Variants in CCDC73 observed in about 807,000 individuals in gnomAD.
CCDC73 encodes coiled-coil domain containing 73, also known as coiled-coil domain-containing protein 73.
CCDC73 carries 95 observed loss-of-function variants against 116.5 expected under a neutral mutation model. That is an observed-to-expected ratio of 0.82 (90% CI 0.69 to 0.97). The LOEUF (loss-of-function observed/expected upper bound fraction) is 0.97, where lower values mean the gene tolerates loss of function less well. CCDC73 is among the 50% of genes least tolerant of loss of function. The pLI, the probability that CCDC73 is intolerant of heterozygous loss-of-function variation, is 0.00. For synonymous variants in CCDC73, 398 were observed against 401.3 expected (o/e 0.99, Z 0.10); for missense variants, 1,066 against 1,206.8 (o/e 0.88, Z 1.73).
At chr11:32,623,542 A>C (rs1855542040) in intron 14 of CCDC73, among the ~76,000 whole-genome samples, 2 of 152,046 alleles carry the variant, frequency 1.3e-5, no homozygotes, top group Non-Finnish European at 2.9e-5. Context: ...TTGTAGAGAC[A>C]AGGGTCTCAC....
rs534028474 is a variant in CCDC73, at chr11:32,633,040, T to G, written c.1185+2656A>C. On this transcript the variant is annotated intron_variant, in intron 14 of 17. Coordinates refer to ENST00000335185, the MANE Select transcript of CCDC73 (RefSeq NM_001008391.4). ...AAACATGGGAGAGAAATGAATGAAA[T>G]CAAAACCTGTTTTTTGTTTGTTATT... is the stretch of plus-strand genomic sequence containing the variant. 2.4e-4 allele frequency among the ~76,000 whole-genome samples: 36 copies of G among 152,132 alleles called. No individual in the cohort carries two copies. In the South Asian group the frequency reaches 3.5e-3, roughly 15 times the overall value.
chr11:32,731,835 T>C (rs1850081173), intron 2 of CCDC73, among the ~76,000 whole-genome samples: 1 of 152,052 alleles, frequency 6.6e-6, no homozygotes, highest in Admixed American at 6.6e-5. Context: ...AGTTGAAAAT[T>C]CTAAAAATAA....
chr11:32,659,837 C>T (rs1590574993), intron 9 of CCDC73, among the ~76,000 whole-genome samples: 1 of 152,214 alleles, frequency 6.6e-6, no homozygotes, highest in East Asian at 1.9e-4. Context: ...CATTCTTGGG[C>T]CTCTTCCTTA....
intron 14 of CCDC73, among the ~76,000 whole-genome samples, chr11:32,630,802 C>CA (rs1311533232): frequency 6.6e-6 from 1 of 151,812 alleles, no homozygotes; most frequent in African/African-American, 2.4e-5. Flanking sequence ...AAAAAGAGAA[C>CA]ATTAAAGATT....
chr11:32,737,033 C>T (rs1850137697), intron 2 of CCDC73, among the ~76,000 whole-genome samples: 1 of 150,768 alleles, frequency 6.6e-6, no homozygotes, highest in African/African-American at 2.4e-5. Context: ...TAACTCTTCC[C>T]ACCTCAGCCT....
intron 6 of CCDC73, among the ~76,000 whole-genome samples, chr11:32,691,384 T>C (rs548540045): frequency 6.6e-6 from 1 of 152,286 alleles, no homozygotes; most frequent in South Asian, 2.1e-4. Context: ...TCATTTTGCC[T>C]TTCCCAGAAT....
chr11:32,819,494 A>G, the CCDC73 span, among the ~76,000 whole-genome samples: 1 of 150,140 alleles, frequency 6.7e-6, no homozygotes, highest in African/African-American at 2.5e-5. Context: ...ATAGGGTCTC[A>G]CTCTGTCACC....
chr11:32,760,403 ATGT>A, intron 1 of CCDC73, 145 bp from the exon 2 acceptor site: 1 of 520,648 alleles, frequency 1.9e-6, no homozygotes, highest in Non-Finnish European at 3.3e-6. Context: ...CTCCACTCTA[ATGT>A]TGACCAAAAA....
At chr11:32,697,875 G>A (rs1464236042) in intron 6 of CCDC73, among the ~76,000 whole-genome samples, 1 of 151,736 alleles carries the variant, frequency 6.6e-6, no homozygotes, top group Non-Finnish European at 1.5e-5. Flanking sequence ...GTGTCACGGG[G>A]GTTGGTTGTA....
At chr11:32,811,487 G>A in the CCDC73 span, among the ~76,000 whole-genome samples, 1 of 152,144 alleles carries the variant, frequency 6.6e-6, no homozygotes, top group African/African-American at 2.4e-5. Context: ...TTAGGTGTGT[G>A]TTAGTCTGTT....
chr11:32,698,442 A>G (rs1186402424), intron 6 of CCDC73, among the ~76,000 whole-genome samples: 2 of 152,226 alleles, frequency 1.3e-5, no homozygotes, highest in Non-Finnish European at 2.9e-5. Context: ...AGAAAATTAC[A>G]TAGGTGAAGT....
chr11:32,822,899 T>C, the CCDC73 span, among the ~76,000 whole-genome samples: 5 of 152,182 alleles, frequency 3.3e-5, no homozygotes, highest in Non-Finnish European at 7.3e-5. Context: ...CAGTATTTAT[T>C]GTATCTATCT....
intron 6 of CCDC73, among the ~76,000 whole-genome samples, chr11:32,696,897 A>G (rs1256104479): frequency 1.3e-5 from 2 of 149,984 alleles, no homozygotes; most frequent in Non-Finnish European, 3.0e-5. Context: ...TGGCCTGATC[A>G]TGGCTCACAG....
chr11:32,650,696 C>T (rs1272974468), intron 12 of CCDC73, among the ~76,000 whole-genome samples: 1 of 152,098 alleles, frequency 6.6e-6, no homozygotes, highest in Non-Finnish European at 1.5e-5. Context: ...CTCTCCCTCC[C>T]TCTTCTATAG....
intron 17 of CCDC73, among the ~76,000 whole-genome samples, chr11:32,609,463 A>T (rs952129979): frequency 1.3e-5 from 2 of 152,178 alleles, no homozygotes; most frequent in African/African-American, 4.8e-5. Flanking sequence ...ACTGGATTTC[A>T]TCGTCCATAT....
intron 2 of CCDC73, among the ~76,000 whole-genome samples, chr11:32,736,939 CAT>C (rs35223301): frequency 0.74 from 108,670 of 146,670 alleles, 40,334 homozygotes; most frequent in East Asian, 0.93. Flanking sequence ...CATGTTCTCA[CAT>C]ATATATATAT....
chr11:32,808,798 T>C, the CCDC73 span, among the ~76,000 whole-genome samples: 1 of 152,240 alleles, frequency 6.6e-6, no homozygotes, highest in African/African-American at 2.4e-5. Context: ...TATGAAATAA[T>C]ATATGTTAAT....
chr11:32,822,812 C>A, the CCDC73 span, among the ~76,000 whole-genome samples: 6 of 151,408 alleles, frequency 4.0e-5, no homozygotes, highest in Admixed American at 6.6e-5. Context: ...AAAAAGGGAA[C>A]CTACAAACAA....
intron 14 of CCDC73, among the ~76,000 whole-genome samples, chr11:32,627,144 C>T (rs1438987098): frequency 6.6e-6 from 1 of 152,174 alleles, no homozygotes; most frequent in African/African-American, 2.4e-5. Context: ...ACAACCCCAT[C>T]AACAAGTGGG....
Sources: gnomAD v4.1 joint callset for allele counts (sites outside exome capture counted in the v4.1 genomes callset) on GRCh38, gnomAD v4.1.1 for gene constraint, MANE v1.5 for transcripts, NCBI Gene and HGNC (gene_info 2026-07-23, HGNC 2026-07-21) for gene names.